The following TRPM6 variants were observed in gnomAD, a reference collection of about 807,000 sequenced individuals.
The protein encoded by TRPM6 is transient receptor potential cation channel subfamily M member 6.
In TRPM6, 111 loss-of-function variants were observed where a neutral mutation model predicts 247.6. That is an observed-to-expected ratio of 0.45 (90% CI 0.38 to 0.52). TRPM6 has a LOEUF of 0.52. Ranked by LOEUF, TRPM6 falls within the 20% of genes least tolerant of loss-of-function variation. TRPM6 has a pLI of 0.00. For synonymous variants in TRPM6, 892 were observed against 853.8 expected (o/e 1.04, Z -0.78); for missense variants, 2,126 against 2,421.5 (o/e 0.88, Z 2.56).
At chr9:74,734,373 T>C (rs138889088) in intron 36 of TRPM6, among the ~76,000 whole-genome samples, 9 of 152,368 alleles carry the variant, frequency 5.9e-5, no homozygotes, top group Middle Eastern at 3.4e-3. Flanking sequence ...AGATTTTTGC[T>C]ATCGTCTGTA....
At chr9:74,775,326 A>T (rs1827182384) in intron 24 of TRPM6, among the ~76,000 whole-genome samples, 1 of 152,142 alleles carries the variant, frequency 6.6e-6, no homozygotes, top group African/African-American at 2.4e-5. Flanking sequence ...AGTAGCTAGG[A>T]CTACAGGCAT....
At chr9:74,766,671 G>A (rs747904723) in intron 25 of TRPM6, among the ~76,000 whole-genome samples, 3 of 152,116 alleles carry the variant, frequency 2.0e-5, no homozygotes, top group Non-Finnish European at 4.4e-5. Context: ...AGCACTTTGG[G>A]AGACTGAGGC....
chr9:74,787,228 C>T (rs1019948796), intron 20 of TRPM6, among the ~76,000 whole-genome samples: 7 of 151,590 alleles, frequency 4.6e-5, no homozygotes, highest in African/African-American at 1.2e-4. Flanking sequence ...CCAGCTACTC[C>T]GGAGGCTAAG....
chr9:74,805,418 T>C (rs114430563), intron 14 of TRPM6, among the ~76,000 whole-genome samples: 2,525 of 152,332 alleles, frequency 0.017, 62 homozygotes, highest in African/African-American at 0.054. Flanking sequence ...AGAGTGGCTC[T>C]GGCCGCTAAT....
At chr9:74,885,881 G>A (rs1831514119) in intron 1 of TRPM6, among the ~76,000 whole-genome samples, 1 of 151,980 alleles carries the variant, frequency 6.6e-6, no homozygotes, top group African/African-American at 2.4e-5. Flanking sequence ...ACCAGTCTGG[G>A]CAACACAGCG....
chr9:74,821,174 G>A lies in TRPM6; in HGVS notation c.1010+495C>T, dbSNP rs76211820. ...ATTGGAAGAACCACACTGGCTAGAG[G>A]GATGGCAAGAGAAAAATTATCTTCT... On this transcript the variant is annotated intron_variant, in intron 8 of 38. Transcript: ENST00000360774. Among the ~76,000 whole-genome samples the A allele has an allele frequency of 1.9e-3, 292 of 152,248 alleles. 1 individual carries two copies. The highest frequency in any genetic ancestry group is 6.7e-3 in the African/African-American group (277 of 41,532).
chr9:74,728,744 T>C (rs1025303675), intron 37 of TRPM6, among the ~76,000 whole-genome samples: 14 of 152,220 alleles, frequency 9.2e-5, no homozygotes, highest in African/African-American at 3.4e-4. Context: ...CATTTGCTTT[T>C]GGGACACGCC....
intron 5 of TRPM6, among the ~76,000 whole-genome samples, chr9:74,837,591 C>T (rs188858018): frequency 3.1e-4 from 47 of 151,896 alleles, no homozygotes; most frequent in African/African-American, 1.1e-3. Context: ...GGACTACAGG[C>T]GCCCGCCGCC....
intron 19 of TRPM6, 119 bp downstream of exon 19, chr9:74,792,504 CT>C (rs1342524253): frequency 4.5e-5 from 52 of 1,165,914 alleles, no homozygotes; most frequent in Non-Finnish European, 6.0e-5. Flanking sequence ...CATGCCCTCA[CT>C]TTTTTTTAAC....
In TRPM6 at chr9:74,821,794, G is replaced by A. The variant is rs758412160; in HGVS notation, c.885C>T (p.Gly295=). 4.0e-5 allele frequency: 65 copies of A among 1,614,006 alleles called. No individual in the cohort carries two copies. Among genetic ancestry groups the A allele is most frequent in the Non-Finnish European group, 5.1e-5 (60 of 1,180,042 alleles). The part of the protein sequence containing the change: ...GVPVVGLVVE[G]GPNVILSVWE... ...ACACTGACAGGATGACGTTGGGACC[G>A]CCTTCCACCACCAGCCCCACGACCG... The change falls in exon 8 of 39, where the codon GGC becomes GGT. Residue 295 remains glycine (G), a synonymous_variant. Coordinates refer to ENST00000360774, the MANE Select transcript of TRPM6 (RefSeq NM_017662.5).
rs1471094771 is a variant in TRPM6, at chr9:74,812,203, C to T, written c.1443+96G>A. On this transcript the variant is annotated intron_variant, in intron 12 of 38. Coordinates refer to ENST00000360774, the MANE Select transcript of TRPM6 (RefSeq NM_017662.5). Reference sequence around the variant, plus strand: ...GGGAAGTCCAGCTACTTCTAATTTCCTCAGATAAGGAGTTTTGCCTCTGCA... The same window carrying T: ...GGGAAGTCCAGCTACTTCTAATTTCTTCAGATAAGGAGTTTTGCCTCTGCA... 2.0e-6 allele frequency: 3 copies of T among 1,532,278 alleles called. No individual in the cohort carries two copies. In the African/African-American group the frequency reaches 4.1e-5, roughly 21 times the overall value. The allele number at this position is 1,532,278 out of a possible 1,614,324, so 94.9% of individuals were successfully genotyped here. A position where few individuals can be genotyped will look rare whatever the true frequency, so the allele number is the denominator to read the frequency against.
intron 11 of TRPM6, among the ~76,000 whole-genome samples, chr9:74,814,965 T>C (rs1484370335): frequency 6.6e-6 from 1 of 151,944 alleles, no homozygotes; most frequent in Non-Finnish European, 1.5e-5. Flanking sequence ...AATAAATTAG[T>C]TAATTGATTA....
At chr9:74,801,823 G>A (rs980318917) in intron 16 of TRPM6, 75 bp downstream of exon 16, 1 of 1,561,644 alleles carries the variant, frequency 6.4e-7, no homozygotes, top group African/African-American at 1.4e-5. Flanking sequence ...CAAGTTTAAA[G>A]ATGAGAGAGA....
intron 25 of TRPM6, among the ~76,000 whole-genome samples, chr9:74,771,175 A>T (rs1298035747): frequency 6.6e-6 from 1 of 151,956 alleles, no homozygotes; most frequent in Non-Finnish European, 1.5e-5. Flanking sequence ...CCACTGCCTC[A>T]CTTCTTTCAG....
In TRPM6 at chr9:74,817,147, G is replaced by C. The variant is rs559241776; in HGVS notation, c.1135-183C>G. ...GGTAACAAAGAATTATGGGCACTTG[G>C]GGGGGAAAAAACTAAAAATTCCACA... On this transcript the variant is annotated intron_variant, in intron 9 of 38. Coordinates refer to ENST00000360774, the MANE Select transcript of TRPM6 (RefSeq NM_017662.5). Among the ~76,000 whole-genome samples the C allele has an allele frequency of 1.4e-4, 21 of 152,198 alleles. No homozygotes were observed. The South Asian group carries it at 2.9e-3, about 21-fold the overall frequency.
intron 9 of TRPM6, among the ~76,000 whole-genome samples, chr9:74,817,758 G>A (rs1338388208): frequency 6.6e-6 from 1 of 151,744 alleles, no homozygotes. Flanking sequence ...GGAGTCACCT[G>A]TTATTAATGG....
chr9:74,806,883 G>A lies in TRPM6; in HGVS notation c.1638+1151C>T, dbSNP rs74452246. On this transcript the variant is annotated intron_variant, in intron 14 of 38. Transcript: ENST00000360774. ...TGCACTCCACTGGAAGACAATCCAA[G>A]AAATGGGTGACTTCGTACTGGCAGG... Among the ~76,000 whole-genome samples the A allele has an allele frequency of 1.3e-3, 192 of 152,282 alleles. 1 individual carries two copies. The East Asian group carries it at 0.017, about 13-fold the overall frequency.
At chr9:74,830,201 A>G (rs1041222906) in intron 6 of TRPM6, among the ~76,000 whole-genome samples, 1 of 152,078 alleles carries the variant, frequency 6.6e-6, no homozygotes, top group Non-Finnish European at 1.5e-5. Flanking sequence ...ATGTACAAAA[A>G]CCAGATGAAG....
In TRPM6 at chr9:74,762,258, C is replaced by A. The variant is rs1489336422; in HGVS notation, c.4413G>T (p.Lys1471Asn). The change falls in exon 26 of 39, where the codon AAG becomes AAT. Residue 1471 changes from lysine to asparagine, a missense_variant. This residue lies in a region of TRPM6 where 717 missense variants were observed against 715.9 expected (regional missense o/e 1.00). Coordinates refer to ENST00000360774, the MANE Select transcript of TRPM6 (RefSeq NM_017662.5). ...AAGTGGAGGGCAAGCAGGTTTGCCA[C>A]TTTTTCTTGATGCTAAACACACCAG... is the stretch of plus-strand genomic sequence containing the variant. ...DETGVFSIKK[K>N]WQTCLPSTCD... 6.2e-7 allele frequency: 1 copy of A among 1,614,088 alleles called. No individual in the cohort carries two copies. Among genetic ancestry groups the A allele is most frequent in the Non-Finnish European group, 8.5e-7 (1 of 1,180,044 alleles).
Sources: gnomAD v4.1 joint callset for allele counts (sites outside exome capture counted in the v4.1 genomes callset) on GRCh38, gnomAD v4.1.1 for gene constraint, gnomAD v4.1.1 regional missense constraint, MANE v1.5 for transcripts, NCBI Gene and HGNC (gene_info 2026-07-23, HGNC 2026-07-21) for gene names.